The following QSER1 variants were observed in gnomAD, a reference collection of about 807,000 sequenced individuals.
QSER1 encodes glutamine and serine rich 1.
QSER1 carries 49 observed loss-of-function variants against 158.5 expected under a neutral mutation model. The ratio of observed to expected loss-of-function variants is 0.31; its 90% CI spans 0.25 to 0.39. QSER1 has a LOEUF of 0.39. QSER1 is among the 10% of genes least tolerant of loss of function. QSER1 has a pLI of 1.00. For missense variants in QSER1, 1,754 were observed against 2,010.3 expected, an observed-to-expected ratio of 0.87 and a Z score of 2.44; for synonymous variants, 650 against 715.5, an observed-to-expected ratio of 0.91 and a Z score of 1.46.
At chr11:32,920,191 G>A (rs1193741785) in intron 1 of QSER1, among the ~76,000 whole-genome samples, 1 of 152,182 alleles carries the variant, frequency 6.6e-6, no homozygotes, top group Non-Finnish European at 1.5e-5. Context: ...AAATACACAT[G>A]TAGCTTGTTT....
Position 32,932,299 on chromosome 11 carries a change from T to C in QSER1, c.1041T>C (p.Asn347=), listed in dbSNP as rs1411246745. 1 of 1,613,842 alleles carries C rather than the reference T, an allele frequency of 6.2e-7. No homozygotes were observed. Among genetic ancestry groups the C allele is most frequent in the Non-Finnish European group, 8.5e-7 (1 of 1,180,008 alleles). ...SQHSLHSYLS[N]SSVVNFQETT... is the part of the protein sequence containing the mutation. ...ACTCCTTACATAGTTATCTATCAAATTCAAGTGTAGTTAATTTTCAGGAAA... is the reference window on the plus strand; with the variant it reads ...ACTCCTTACATAGTTATCTATCAAACTCAAGTGTAGTTAATTTTCAGGAAA... The change falls in exon 4 of 13, where the codon AAT becomes AAC. Residue 347 remains asparagine, a synonymous_variant. Transcript: ENST00000650167.
At chr11:32,917,638 C>T (rs1303165479) in intron 1 of QSER1, among the ~76,000 whole-genome samples, 7 of 151,828 alleles carry the variant, frequency 4.6e-5, no homozygotes, top group African/African-American at 1.7e-4. Flanking sequence ...CCAGCCTAGC[C>T]AACATGGTGA....
chr11:32,921,275 A>G (rs973172060), intron 1 of QSER1, among the ~76,000 whole-genome samples: 1 of 152,240 alleles, frequency 6.6e-6, no homozygotes, highest in African/African-American at 2.4e-5. Context: ...TTCAGTTTTT[A>G]TGAGTTATTT....
intron 1 of QSER1, among the ~76,000 whole-genome samples, chr11:32,925,494 T>TTTTTTTTATTTA (rs1554926205): frequency 1.9e-4 from 27 of 143,644 alleles, no homozygotes; most frequent in Non-Finnish European, 3.2e-4. Flanking sequence ...TACATCGCTT[T>TTTTTTTTATTTA]TTTATTTATT....
At chr11:32,918,882 T>A (rs1320379334) in intron 1 of QSER1, among the ~76,000 whole-genome samples, 1 of 152,198 alleles carries the variant, frequency 6.6e-6, no homozygotes, top group Non-Finnish European at 1.5e-5. Flanking sequence ...TACATTTTTT[T>A]AAATGTAGAC....
chr11:32,922,612 G>T (rs1186693001), intron 1 of QSER1, among the ~76,000 whole-genome samples: 1 of 151,084 alleles, frequency 6.6e-6, no homozygotes, highest in South Asian at 2.1e-4. Flanking sequence ...AGCCTCCCGA[G>T]TAGCTAGAAT....
rs375985842 is a variant in QSER1, at chr11:32,964,717, CATATATAT to C, written c.4970-1567_4970-1560del. On this transcript the variant is annotated intron_variant, in intron 8 of 12. Coordinates refer to ENST00000650167, the MANE Select transcript of QSER1 (RefSeq NM_001076786.3). ...TATCTCTAAGAAAAAAAAAAAACAC[CATATATAT>C]ATATATATATATATACACACACACA... 5.8e-3 allele frequency among the ~76,000 whole-genome samples: 371 copies of C among 64,262 alleles called. 1 individual carries two copies. Among genetic ancestry groups the C allele is most frequent in the South Asian group, 0.01 (14 of 1,342 alleles). The allele number at this position is 64,262 out of a possible 152,430, so 42.2% of individuals were successfully genotyped here.
rs1853015572 is a variant in QSER1, at chr11:32,978,559, T to A, written c.*2085T>A. 6.6e-6 allele frequency: 1 copy of A among 152,278 alleles called. No individual in the cohort carries two copies. Among genetic ancestry groups the A allele is most frequent in the Non-Finnish European group, 1.5e-5 (1 of 68,048 alleles). 9.4% of individuals were successfully genotyped at this position (152,278 alleles called of 1,614,324 possible). Reference sequence around the variant, plus strand: ...GAATTCACTAGCCACATTTTCTTCATGATATGCCTCGTGGCAAACAAAGAT... The same window carrying A: ...GAATTCACTAGCCACATTTTCTTCAAGATATGCCTCGTGGCAAACAAAGAT... On this transcript the variant is annotated 3_prime_UTR_variant, in exon 13 of 13. Coordinates refer to ENST00000650167, the MANE Select transcript of QSER1 (RefSeq NM_001076786.3).
At chr11:32,955,810 C>T (rs1852501214) in intron 6 of QSER1, among the ~76,000 whole-genome samples, 178 bp from the exon 7 acceptor site, 1 of 152,090 alleles carries the variant, frequency 6.6e-6, no homozygotes, top group Non-Finnish European at 1.5e-5. Context: ...AATGAGATTG[C>T]TTGTACATAT....
chr11:32,939,818 C>T (rs1191358894), intron 4 of QSER1, among the ~76,000 whole-genome samples: 3 of 152,124 alleles, frequency 2.0e-5, no homozygotes, highest in African/African-American at 4.8e-5. Context: ...AGGTATGAAA[C>T]GCTGATTTGT....
In QSER1 at chr11:32,935,382, T is replaced by G. The variant is rs1163461185; in HGVS notation, c.4124T>G (p.Val1375Gly). 1 of 1,591,830 alleles carries G rather than the reference T, an allele frequency of 6.3e-7. No individual in the cohort carries two copies. Among genetic ancestry groups the G allele is most frequent in the Non-Finnish European group, 8.5e-7 (1 of 1,173,680 alleles). The change falls in exon 4 of 13, where the codon GTC becomes GGC. Residue 1375 changes from valine to glycine, a missense_variant. Val to Gly is a moderately radical substitution (Grantham distance 109). Transcript: ENST00000650167. The part of the protein sequence containing the change: ...PGYSQDAYKS[V>G]STPLTTLDAT... Reference sequence around the variant, plus strand: ...TATAGTCAAGATGCTTATAAAAGCGTCTCTACTCCCTTAACTACTTTGGAT... The same window carrying G: ...TATAGTCAAGATGCTTATAAAAGCGGCTCTACTCCCTTAACTACTTTGGAT...
intron 9 of QSER1, among the ~76,000 whole-genome samples, chr11:32,968,526 T>G (rs1852790780): frequency 6.6e-6 from 1 of 152,208 alleles, no homozygotes; most frequent in Non-Finnish European, 1.5e-5. Flanking sequence ...ACTATTTTGA[T>G]TCATATTTTT....
intron 1 of QSER1, among the ~76,000 whole-genome samples, chr11:32,912,256 G>T (rs1285760854): frequency 6.6e-6 from 1 of 152,102 alleles, no homozygotes; most frequent in African/African-American, 2.4e-5. Flanking sequence ...GTCCATGTTT[G>T]TTCAGCCTTA....
intron 3 of QSER1, among the ~76,000 whole-genome samples, chr11:32,931,265 G>T (rs762332705): frequency 6.6e-6 from 1 of 151,994 alleles, no homozygotes. Flanking sequence ...TGATATCATT[G>T]TAACTTCATT....
In QSER1 at chr11:32,927,983, C is replaced by T; in HGVS notation, c.344C>T (p.Thr115Ile). The T allele has an allele frequency of 2.0e-6, 2 of 980,176 alleles. No homozygotes were observed. The highest frequency in any genetic ancestry group is 3.1e-6 in the Non-Finnish European group (2 of 650,676). The allele number at this position is 980,176 out of a possible 1,614,324, so 60.7% of individuals were successfully genotyped here. The stretch of plus-strand genomic sequence containing the variant: ...TTAGGTCTTTCTGGAATATTTGATA[C>T]TAGTGTGAACAGTGCCAGCAGTAAC... Reference protein sequence around the residue: ...QPTGLSGIFDTSVNSASSNTK... With the variant: ...QPTGLSGIFDISVNSASSNTK... Residue 115 changes from threonine to isoleucine, a missense_variant, in exon 3 of 13, where the codon ACT becomes ATT. This residue lies in a region of QSER1 where 1,707 missense variants were observed against 1,919.6 expected (regional missense o/e 0.89). Transcript: ENST00000650167.
intron 4 of QSER1, among the ~76,000 whole-genome samples, chr11:32,937,297 T>C (rs1852166523): frequency 6.6e-6 from 1 of 152,262 alleles, no homozygotes; most frequent in South Asian, 2.1e-4. Flanking sequence ...TTTTTTATTA[T>C]TTTAAGAGAC....
intron 5 of QSER1, among the ~76,000 whole-genome samples, chr11:32,954,873 G>A (rs919098747): frequency 2.0e-5 from 3 of 152,142 alleles, no homozygotes; most frequent in South Asian, 2.1e-4. Context: ...TGGGAATGAC[G>A]TTAAAAAGTG....
chr11:32,951,780 C>G (rs192545292), intron 4 of QSER1, among the ~76,000 whole-genome samples: 176 of 150,752 alleles, frequency 1.2e-3, no homozygotes, highest in Admixed American at 1.8e-3. Flanking sequence ...GTCTTGTACC[C>G]TGCAATCTTG....
chr11:32,917,877 A>T (rs982364020), intron 1 of QSER1, among the ~76,000 whole-genome samples: 3 of 148,192 alleles, frequency 2.0e-5, no homozygotes, highest in African/African-American at 7.4e-5. Flanking sequence ...TCTGTGACTT[A>T]TGATGTGGAG....
Sources: allele counts gnomAD v4.1 joint callset (sites outside exome capture counted in the v4.1 genomes callset), GRCh38; gene constraint gnomAD v4.1.1; regional missense constraint gnomAD v4.1.1; transcripts MANE v1.5; gene names NCBI Gene and HGNC (gene_info 2026-07-23, HGNC 2026-07-21).